Variants in ARHGAP12 observed in about 807,000 individuals in gnomAD.
ARHGAP12 encodes the protein rho GTPase-activating protein 12.
A neutral mutation model predicts 108.6 loss-of-function variants in ARHGAP12; 64 were observed. The observed-to-expected ratio is 0.59, with a 90% confidence interval of 0.48 to 0.73. ARHGAP12 has a LOEUF of 0.73. Ranked by LOEUF, ARHGAP12 falls within the 30% of genes least tolerant of loss-of-function variation. ARHGAP12 has a pLI of 0.00. For synonymous variants in ARHGAP12, 312 were observed against 337.2 expected (o/e 0.93, Z 0.82); for missense variants, 940 against 1,005.9 (o/e 0.93, Z 0.89).
chr10:31,838,877 C>T (rs1274113451), intron 9 of ARHGAP12, among the ~76,000 whole-genome samples: 2 of 150,578 alleles, frequency 1.3e-5, no homozygotes, highest in Non-Finnish European at 2.9e-5. Context: ...TGGTGCATGC[C>T]TGTGGTCCCA....
intron 6 of ARHGAP12, among the ~76,000 whole-genome samples, chr10:31,845,276 C>T (rs1389435238): frequency 6.6e-6 from 1 of 152,084 alleles, no homozygotes; most frequent in African/African-American, 2.4e-5. Flanking sequence ...TTGGGATTTT[C>T]TAATAATAAC....
At chr10:31,853,027 C>T (rs932126388) in intron 5 of ARHGAP12, among the ~76,000 whole-genome samples, 2 of 151,990 alleles carry the variant, frequency 1.3e-5, no homozygotes, top group Admixed American at 6.6e-5. Flanking sequence ...GGCGCCCGGC[C>T]GGCAACAAAA....
chr10:31,923,157 C>CA (rs1839893231), intron 1 of ARHGAP12, among the ~76,000 whole-genome samples: 1 of 123,830 alleles, frequency 8.1e-6, no homozygotes, highest in Non-Finnish European at 1.6e-5. Context: ...AAAAAACAGG[C>CA]AAAATATTTA....
At position 31,901,189 on chromosome 10, in the gene ARHGAP12, C is replaced by G. The variant is rs182833918; in HGVS notation, c.684+6983G>C. Reference sequence around the variant, plus strand: ...CAAGATTGCGCCACTGCACTCCACTCTGGGTGACAGCAAGAATCCGTCTCA... The same window carrying G: ...CAAGATTGCGCCACTGCACTCCACTGTGGGTGACAGCAAGAATCCGTCTCA... On this transcript the variant is annotated intron_variant, in intron 3 of 19. Transcript: ENST00000344936. Among the ~76,000 whole-genome samples, 21 of 146,446 alleles carry G rather than the reference C, an allele frequency of 1.4e-4. No homozygotes were observed. The East Asian group carries it at 3.8e-3, about 27-fold the overall frequency.
intron 3 of ARHGAP12, among the ~76,000 whole-genome samples, chr10:31,869,975 T>C (rs1274196603): frequency 1.3e-5 from 2 of 152,306 alleles, no homozygotes; most frequent in East Asian, 3.9e-4. Context: ...AATACCTGGG[T>C]ATCTACCTTA....
At chr10:31,887,382 A>T (rs947899321) in intron 3 of ARHGAP12, among the ~76,000 whole-genome samples, 3 of 152,164 alleles carry the variant, frequency 2.0e-5, no homozygotes, top group African/African-American at 4.8e-5. Context: ...ACCCAGAATA[A>T]TGTTTGACCA....
At chr10:31,901,070 T>C (rs1564422532) in intron 3 of ARHGAP12, among the ~76,000 whole-genome samples, 6 of 151,190 alleles carry the variant, frequency 4.0e-5, no homozygotes, top group Admixed American at 4.0e-4. Flanking sequence ...TACAAAAAAT[T>C]AGCTGGGCAC....
chr10:31,842,513 T>C (rs1051071710), intron 7 of ARHGAP12, among the ~76,000 whole-genome samples: 5 of 152,094 alleles, frequency 3.3e-5, no homozygotes, highest in African/African-American at 1.2e-4. Context: ...CTTATACACA[T>C]GTATGAAGGC....
At chr10:31,912,389 T>C (rs1839389141) in intron 1 of ARHGAP12, among the ~76,000 whole-genome samples, 1 of 152,120 alleles carries the variant, frequency 6.6e-6, no homozygotes, top group African/African-American at 2.4e-5. Context: ...TTCACACTAG[T>C]GGGAGAGGAA....
intron 1 of ARHGAP12, among the ~76,000 whole-genome samples, 151 bp downstream of exon 1, chr10:31,928,532 G>A (rs1239493026): frequency 4.1e-5 from 6 of 146,956 alleles, no homozygotes; most frequent in African/African-American, 1.0e-4. Context: ...GCGCACCTCC[G>A]CGGCGCCGCC....
At chr10:31,927,581 A>G (rs1840102244) in intron 1 of ARHGAP12, among the ~76,000 whole-genome samples, 1 of 152,158 alleles carries the variant, frequency 6.6e-6, no homozygotes, top group African/African-American at 2.4e-5. Context: ...TTAACCCAAA[A>G]GCCAGCCACA....
chr10:31,917,212 A>G (rs1472414900), intron 1 of ARHGAP12, among the ~76,000 whole-genome samples: 1 of 151,878 alleles, frequency 6.6e-6, no homozygotes, highest in Non-Finnish European at 1.5e-5. Context: ...AATCGAGACC[A>G]TGCTGGTTAA....
chr10:31,871,968 A>G (rs1303649163), intron 3 of ARHGAP12, among the ~76,000 whole-genome samples: 1 of 152,168 alleles, frequency 6.6e-6, no homozygotes, highest in Non-Finnish European at 1.5e-5. Context: ...CCTCACGCTC[A>G]TCCTTTCCTC....
chr10:31,816,893 A>G (rs931728796), intron 13 of ARHGAP12, among the ~76,000 whole-genome samples: 7 of 152,250 alleles, frequency 4.6e-5, no homozygotes, highest in Non-Finnish European at 8.8e-5. Flanking sequence ...CTACAAAGGA[A>G]GAATTTATAT....
chr10:31,897,402 T>A (rs1564420088), intron 3 of ARHGAP12, among the ~76,000 whole-genome samples: 1 of 151,768 alleles, frequency 6.6e-6, no homozygotes, highest in East Asian at 1.9e-4. Context: ...CAGAACACTA[T>A]CCCCTTCCCC....
At chr10:31,870,230 CT>C (rs567626260) in intron 3 of ARHGAP12, among the ~76,000 whole-genome samples, 31,234 of 137,930 alleles carry the variant, frequency 0.23, 2,684 homozygotes, top group Non-Finnish European at 0.28. Context: ...TAATTTCTGT[CT>C]TTTTTTTTTT....
At position 31,811,894 on chromosome 10, in the gene ARHGAP12, C is replaced by G. The variant is rs79950228; in HGVS notation, c.1951+813G>C. On this transcript the variant is annotated intron_variant, in intron 15 of 19. Transcript: ENST00000344936. Reference sequence around the variant, plus strand: ...CAATCTGGTCTTGAGTTTCTGGACTCAAGCAATCCTCCTGCCTCCCAAAGT... The same window carrying G: ...CAATCTGGTCTTGAGTTTCTGGACTGAAGCAATCCTCCTGCCTCCCAAAGT... 1.4e-3 allele frequency among the ~76,000 whole-genome samples: 219 copies of G among 152,150 alleles called. 1 individual carries two copies. The highest frequency in any genetic ancestry group is 5.2e-3 in the African/African-American group (215 of 41,514).
At chr10:31,836,940 A>C (rs971703894) in intron 9 of ARHGAP12, among the ~76,000 whole-genome samples, 5 of 152,124 alleles carry the variant, frequency 3.3e-5, no homozygotes, top group Non-Finnish European at 7.4e-5. Flanking sequence ...TTTTTCACCT[A>C]AAGGTAAAAA....
chr10:31,905,371 C>T (rs1289500026), intron 3 of ARHGAP12, among the ~76,000 whole-genome samples: 2 of 152,194 alleles, frequency 1.3e-5, no homozygotes, highest in East Asian at 1.9e-4. Context: ...GCTGGGACTA[C>T]AAGCGCACAC....
Sources: allele counts gnomAD v4.1 joint callset (sites outside exome capture counted in the v4.1 genomes callset), GRCh38; gene constraint gnomAD v4.1.1; transcripts MANE v1.5; gene names NCBI Gene and HGNC (gene_info 2026-07-23, HGNC 2026-07-21).